Variants in EPHA4 observed in about 807,000 individuals in gnomAD.
The protein encoded by EPHA4 is ephrin type-A receptor 4.
EPHA4 carries 19 observed loss-of-function variants against 108.3 expected under a neutral mutation model. The ratio of observed to expected loss-of-function variants is 0.18; its 90% CI spans 0.12 to 0.26. The LOEUF (loss-of-function observed/expected upper bound fraction) is 0.26, where lower values mean the gene tolerates loss of function less well. Ranked by LOEUF, EPHA4 falls within the 10% of genes least tolerant of loss-of-function variation. The probability of loss-of-function intolerance (pLI) is 1.00; values close to 1 mark genes in which losing one functional copy is unlikely to be tolerated. For missense variants in EPHA4, 917 were observed against 1,254.0 expected, an observed-to-expected ratio of 0.73 and a Z score of 4.06; for synonymous variants, 449 against 455.5, an observed-to-expected ratio of 0.99 and a Z score of 0.18.
intron 3 of EPHA4, among the ~76,000 whole-genome samples, chr2:221,544,114 G>A (rs963918585): frequency 2.6e-5 from 4 of 152,034 alleles, no homozygotes; most frequent in Admixed American, 6.5e-5. Flanking sequence ...TGACCTAAAC[G>A]CCAACCAAAG....
intron 3 of EPHA4, among the ~76,000 whole-genome samples, chr2:221,519,959 G>A (rs1693110495): frequency 6.6e-6 from 1 of 151,792 alleles, no homozygotes; most frequent in South Asian, 2.1e-4. Flanking sequence ...TATTTCCTCT[G>A]TAGTTTCTCG....
intron 5 of EPHA4, among the ~76,000 whole-genome samples, chr2:221,474,019 T>A (rs1691580043): frequency 6.6e-6 from 1 of 152,210 alleles, no homozygotes; most frequent in Non-Finnish European, 1.5e-5. Context: ...GTCCTGGGTG[T>A]ATAAATAAAG....
chr2:221,564,117 T>C lies in EPHA4; in HGVS notation c.437A>G (p.Asp146Gly). The C allele has an allele frequency of 6.2e-7, 1 of 1,614,156 alleles. No individual in the cohort carries two copies. Among genetic ancestry groups the C allele is most frequent in the Non-Finnish European group, 8.5e-7 (1 of 1,180,024 alleles). The change falls in exon 3 of 18, where the codon GAC becomes GGC. Residue 146 changes from aspartate (D) to glycine (G), a missense_variant. Coordinates refer to ENST00000281821, the MANE Select transcript of EPHA4 (RefSeq NM_004438.5). Reference sequence around the variant, plus strand: ...GAAGCTCTCATCAGCAGCAATGGTGTCAATTTTGACAAACTGGTTCTCTCT... The same window carrying C: ...GAAGCTCTCATCAGCAGCAATGGTGCCAATTTTGACAAACTGGTTCTCTCT... ...FIRENQFVKI[D>G]TIAADESFTQ...
chr2:221,450,800 C>A (rs1690759276), intron 8 of EPHA4, among the ~76,000 whole-genome samples: 2 of 152,190 alleles, frequency 1.3e-5, no homozygotes, highest in Non-Finnish European at 2.9e-5. Context: ...CGTATAAAAA[C>A]AGCATGTGCC....
At chr2:221,509,034 A>G (rs1197744116) in intron 3 of EPHA4, among the ~76,000 whole-genome samples, 2 of 152,236 alleles carry the variant, frequency 1.3e-5, no homozygotes, top group African/African-American at 4.8e-5. Context: ...GTTAAAAATT[A>G]CTAAAGAATT....
At position 221,419,393 on chromosome 2, in the gene EPHA4, A is replaced by G. The variant is rs951429586; in HGVS notation, c.*1979T>C. ...GCATGTATTTTTCTGTGATATTGGG[A>G]GACAAAGTATTAATCCAGGACACAC... On this transcript the variant is annotated 3_prime_UTR_variant, in exon 18 of 18. Coordinates refer to ENST00000281821, the MANE Select transcript of EPHA4 (RefSeq NM_004438.5). 1 of 152,630 alleles carries G rather than the reference A, an allele frequency of 6.6e-6. No individual in the cohort carries two copies. The highest frequency in any genetic ancestry group is 6.5e-5 in the Admixed American group (1 of 15,288). The allele number at this position is 152,630 out of a possible 1,614,324, so 9.5% of individuals were successfully genotyped here.
chr2:221,526,139 A>C lies in EPHA4; in HGVS notation c.824-24967T>G, dbSNP rs890311126. On this transcript the variant is annotated intron_variant, in intron 3 of 17. Transcript: ENST00000281821. ...AACACATTATTCCCATTTTAAGCTA[A>C]GGAAACTGGGGCATATACAGTTAAG... Among the ~76,000 whole-genome samples, 6 of 152,306 alleles carry C rather than the reference A, an allele frequency of 3.9e-5. No individual in the cohort carries two copies. In the South Asian group the frequency reaches 6.2e-4, roughly 16 times the overall value.
intron 3 of EPHA4, among the ~76,000 whole-genome samples, chr2:221,554,528 G>A (rs1574656089): frequency 6.6e-6 from 1 of 152,048 alleles, no homozygotes; most frequent in Non-Finnish European, 1.5e-5. Flanking sequence ...CATTCTAGAA[G>A]GAATAAAGGT....
chr2:221,569,787 C>T, intron 1 of EPHA4, among the ~76,000 whole-genome samples: 1 of 152,254 alleles, frequency 6.6e-6, no homozygotes. Context: ...CGTGCTCATG[C>T]GCACCCCAAC....
At chr2:221,504,168 G>T (rs2106159958) in intron 3 of EPHA4, among the ~76,000 whole-genome samples, 1 of 152,232 alleles carries the variant, frequency 6.6e-6, no homozygotes, top group Non-Finnish European at 1.5e-5. Context: ...ACTTCCTCCT[G>T]CCCTATTTCC....
intron 14 of EPHA4, among the ~76,000 whole-genome samples, chr2:221,430,763 C>G (rs1040445614): frequency 3.3e-5 from 5 of 152,090 alleles, no homozygotes; most frequent in Non-Finnish European, 7.3e-5. Flanking sequence ...TCAGTCGACC[C>G]TGTTAAAGGT....
intron 5 of EPHA4, among the ~76,000 whole-genome samples, chr2:221,472,084 A>G (rs1043288059): frequency 3.3e-5 from 5 of 152,092 alleles, no homozygotes; most frequent in Non-Finnish European, 7.4e-5. Flanking sequence ...GATAAAATAA[A>G]AGTCTTTGGT....
chr2:221,432,147 G>GTATA (rs201996569), intron 14 of EPHA4, among the ~76,000 whole-genome samples: 39 of 148,870 alleles, frequency 2.6e-4, no homozygotes, highest in Admixed American at 5.4e-4. Context: ...ATATATGTGT[G>GTATA]TATATATATA....
At chr2:221,517,566 G>A (rs528964019) in intron 3 of EPHA4, among the ~76,000 whole-genome samples, 19 of 152,126 alleles carry the variant, frequency 1.2e-4, no homozygotes, top group South Asian at 1.0e-3. Flanking sequence ...GGAGGAGGGC[G>A]AGCCGGGAGT....
At chr2:221,463,757 C>T (rs1691220696) in intron 5 of EPHA4, among the ~76,000 whole-genome samples, 1 of 152,134 alleles carries the variant, frequency 6.6e-6, no homozygotes. Flanking sequence ...TTTACTGCAG[C>T]AGTTTGGTCC....
intron 5 of EPHA4, among the ~76,000 whole-genome samples, chr2:221,480,450 G>T (rs1691785313): frequency 6.6e-6 from 1 of 152,202 alleles, no homozygotes; most frequent in African/African-American, 2.4e-5. Flanking sequence ...GTTCTGCATT[G>T]CATCAGCTCC....
At chr2:221,468,155 C>T (rs532215479) in intron 5 of EPHA4, among the ~76,000 whole-genome samples, 6 of 151,494 alleles carry the variant, frequency 4.0e-5, no homozygotes, top group African/African-American at 1.5e-4. Flanking sequence ...CTTGGTTAGA[C>T]AGGATGGTGA....
intron 12 of EPHA4, 68 bp downstream of exon 12, chr2:221,436,993 C>T (rs2303900): frequency 0.23 from 270,389 of 1,175,548 alleles, 32,543 homozygotes; most frequent in African/African-American, 0.26. Context: ...ACACAACAAA[C>T]ACAAGGACTC....
chr2:221,428,767 A>C (rs1689987603), intron 15 of EPHA4, among the ~76,000 whole-genome samples: 1 of 152,204 alleles, frequency 6.6e-6, no homozygotes, highest in Non-Finnish European at 1.5e-5. Context: ...GTGAAATGTT[A>C]ATTCAGCCCT....
Sources: gnomAD v4.1 joint callset for allele counts (sites outside exome capture counted in the v4.1 genomes callset) on GRCh38, gnomAD v4.1.1 for gene constraint, MANE v1.5 for transcripts, NCBI Gene and HGNC (gene_info 2026-07-23, HGNC 2026-07-21) for gene names.